ABHD18: variants seen among roughly 807,000 people sequenced by gnomAD.
The protein encoded by ABHD18 is abhydrolase domain containing 18.
In ABHD18, 55 loss-of-function variants were observed where a neutral mutation model predicts 65.9. The observed-to-expected ratio is 0.84, with a 90% CI of 0.67 to 1.05. The LOEUF (loss-of-function observed/expected upper bound fraction) is 1.05, where lower values mean the gene tolerates loss of function less well. Ranked by LOEUF, ABHD18 falls within the 50% of genes least tolerant of loss-of-function variation. The pLI is 0.00. For synonymous variants in ABHD18, 181 were observed against 180.2 expected (o/e 1.00, Z -0.04); for missense variants, 533 against 558.5 (o/e 0.95, Z 0.46).
chr4:128,004,912 A>G (rs748473477), intron 4 of ABHD18, among the ~76,000 whole-genome samples: 64 of 149,888 alleles, frequency 4.3e-4, no homozygotes, highest in Non-Finnish European at 8.4e-4. Flanking sequence ...TCCGTCTCAA[A>G]AAACAAAACA....
intron 8 of ABHD18, 117 bp downstream of exon 8, chr4:128,017,618 G>A: frequency 2.2e-6 from 2 of 911,008 alleles, no homozygotes; most frequent in Non-Finnish European, 3.2e-6. Context: ...AAAGTAGGAA[G>A]CAGAAACAGA....
At chr4:128,031,129 A>AT (rs1178035783) in intron 12 of ABHD18, 4 of 986,488 alleles carry the variant, frequency 4.1e-6, no homozygotes, top group Non-Finnish European at 4.8e-6. Flanking sequence ...ACAACCTTAT[A>AT]TGACTCCACT....
At position 128,038,522 on chromosome 4, in the gene ABHD18, C is replaced by T. The variant is rs979118834; in HGVS notation, c.*2709C>T. On this transcript the variant is annotated 3_prime_UTR_variant, in exon 13 of 13. Transcript: ENST00000645843. ...TGTTGATTTAGTTTTAATTCTTAGG[C>T]ATAACTAACTTTTCTCAAATAAAGT... The T allele has an allele frequency of 1.3e-5, 2 of 152,110 alleles. No homozygotes were observed. The highest frequency in any genetic ancestry group is 6.6e-5 in the Admixed American group (1 of 15,256). The allele number at this position is 152,110 out of a possible 1,614,324, so 9.4% of individuals were successfully genotyped here. A position where few individuals can be genotyped will look rare whatever the true frequency, so the allele number is the denominator to read the frequency against.
Position 128,037,100 on chromosome 4 carries a change from CAG to C in ABHD18, c.*1290_*1291del, listed in dbSNP as rs1477778141. On this transcript the variant is annotated 3_prime_UTR_variant, in exon 13 of 13. Transcript: ENST00000645843. ...CGCCACTGCACTCCAGCCTGGGCAA[CAG>C]AGCAAAACTCCATCTCAAAAAAAAA... is the stretch of plus-strand genomic sequence containing the variant. 1.2e-5 allele frequency: 1 copy of C among 85,494 alleles called. No homozygotes were observed. Among genetic ancestry groups the C allele is most frequent in the African/African-American group, 4.8e-5 (1 of 20,864 alleles). 5.3% of individuals were successfully genotyped at this position (85,494 alleles called of 1,614,324 possible).
At chr4:128,011,438 G>A (rs1324296848) in intron 6 of ABHD18, among the ~76,000 whole-genome samples, 2 of 150,304 alleles carry the variant, frequency 1.3e-5, no homozygotes, top group African/African-American at 2.4e-5. Flanking sequence ...GTGAGCCACC[G>A]CGCCCGGCCT....
rs1324319106 is a variant in ABHD18, at chr4:128,039,184, T to TATAA, written c.*3372_*3373insTAAA. On this transcript the variant is annotated 3_prime_UTR_variant, in exon 13 of 13. Coordinates refer to ENST00000645843, the MANE Select transcript of ABHD18 (RefSeq NM_001358451.3). ...ATATATATATATATATATATATATATAATCTCAAAGAAGTGCGGTCTGCCA... is the reference window on the plus strand; with the variant it reads ...ATATATATATATATATATATATATATATAAAATCTCAAAGAAGTGCGGTCTGCCA... 2.4e-5 allele frequency: 3 copies of TATAA among 125,484 alleles called. No individual in the cohort carries two copies. The highest frequency in any genetic ancestry group is 8.5e-5 in the Admixed American group (1 of 11,704). The allele number at this position is 125,484 out of a possible 1,614,324, so 7.8% of individuals were successfully genotyped here.
intron 4 of ABHD18, among the ~76,000 whole-genome samples, chr4:127,999,909 C>A (rs1436245567): frequency 1.3e-5 from 2 of 152,146 alleles, no homozygotes; most frequent in Non-Finnish European, 2.9e-5. Flanking sequence ...CAATACTGGG[C>A]AAACAAAAGA....
At chr4:127,992,837 C>G (rs182278908) in intron 4 of ABHD18, among the ~76,000 whole-genome samples, 1 of 152,234 alleles carries the variant, frequency 6.6e-6, no homozygotes, top group East Asian at 1.9e-4. Context: ...AGCCACTGCA[C>G]CCAGCCTTAA....
At chr4:127,988,625 A>G (rs540212461) in intron 3 of ABHD18, among the ~76,000 whole-genome samples, 1 of 152,254 alleles carries the variant, frequency 6.6e-6, no homozygotes, top group South Asian at 2.1e-4. Context: ...AACATTTTAC[A>G]TTTTTCAAAA....
chr4:128,021,272 TG>T (rs779363687), intron 10 of ABHD18, 34 bp downstream of exon 10: 2 of 1,217,438 alleles, frequency 1.6e-6, no homozygotes, highest in Non-Finnish European at 2.3e-6. Flanking sequence ...ACATTGGTGG[TG>T]GGGGGAGTTG....
chr4:128,024,927 G>A (rs1310152185), intron 10 of ABHD18, among the ~76,000 whole-genome samples: 1 of 152,020 alleles, frequency 6.6e-6, no homozygotes, highest in East Asian at 1.9e-4. Context: ...CCTGGCCTGA[G>A]GTGATCCTCC....
At position 128,029,750 on chromosome 4, in the gene ABHD18, G is replaced by A. The variant is rs529495433; in HGVS notation, c.1181-760G>A. 1.2e-3 allele frequency among the ~76,000 whole-genome samples: 176 copies of A among 151,288 alleles called. 2 individuals are homozygous for A. The highest frequency in any genetic ancestry group is 4.0e-3 in the African/African-American group (164 of 41,216). On this transcript the variant is annotated intron_variant, in intron 11 of 12. Transcript: ENST00000645843. ...TGAGGCAGGAGAATCATTTGAACCCGGGAGGTGGAGGTTGCAGTGAGCAGA... is the reference window on the plus strand; with the variant it reads ...TGAGGCAGGAGAATCATTTGAACCCAGGAGGTGGAGGTTGCAGTGAGCAGA...
At chr4:127,985,347 G>A (rs572359703) in intron 3 of ABHD18, among the ~76,000 whole-genome samples, 22 of 152,078 alleles carry the variant, frequency 1.4e-4, no homozygotes, top group African/African-American at 4.3e-4. Flanking sequence ...TCCCTCACTC[G>A]CCTTCAAGCA....
chr4:127,972,945 G>C (rs1380570610), intron 1 of ABHD18, among the ~76,000 whole-genome samples: 2 of 152,052 alleles, frequency 1.3e-5, no homozygotes, highest in African/African-American at 4.8e-5. Flanking sequence ...TGACAAAGGT[G>C]TTAAGTGAAT....
intron 7 of ABHD18, 105 bp downstream of exon 7, chr4:128,011,805 T>C: frequency 1.5e-5 from 4 of 275,586 alleles, no homozygotes; most frequent in East Asian, 2.9e-4. Context: ...AATACCTAAA[T>C]ATTATGGGGG....
chr4:127,975,816 CTTTATTTTATTTTA>C (rs1297217853), intron 1 of ABHD18, among the ~76,000 whole-genome samples: 1 of 151,748 alleles, frequency 6.6e-6, no homozygotes, highest in Admixed American at 6.6e-5. Context: ...ATTTATTTTA[CTTTATTTTATTTTA>C]TTTATTTTAT....
chr4:128,018,309 T>A (rs999646572), intron 8 of ABHD18, among the ~76,000 whole-genome samples: 2 of 152,176 alleles, frequency 1.3e-5, no homozygotes, highest in African/African-American at 4.8e-5. Flanking sequence ...AGTACATTTT[T>A]AAAAAATTAT....
chr4:128,001,177 A>G (rs926113302), intron 4 of ABHD18, among the ~76,000 whole-genome samples: 3 of 152,028 alleles, frequency 2.0e-5, no homozygotes, highest in Admixed American at 6.6e-5. Flanking sequence ...TACTGTGTTG[A>G]ATAGTAGTAG....
intron 10 of ABHD18, among the ~76,000 whole-genome samples, chr4:128,023,054 C>G (rs1356090986): frequency 6.6e-6 from 1 of 152,068 alleles, no homozygotes; most frequent in Non-Finnish European, 1.5e-5. Flanking sequence ...CAGGCATGAG[C>G]CACCGCGCCC....
Sources: gnomAD v4.1 joint callset for allele counts (sites outside exome capture counted in the v4.1 genomes callset) on GRCh38, gnomAD v4.1.1 for gene constraint, MANE v1.5 for transcripts, NCBI Gene and HGNC (gene_info 2026-07-23, HGNC 2026-07-21) for gene names.